The following KYNU variants were observed in gnomAD, a reference collection of about 807,000 sequenced individuals.
KYNU encodes the protein L-kynurenine hydrolase.
Under a neutral mutation model 59.2 loss-of-function variants are expected in KYNU, and 54 were observed. That is an observed-to-expected ratio of 0.91 (90% confidence interval 0.73 to 1.14). KYNU has a LOEUF of 1.14. KYNU is among the 50% of genes most tolerant of loss of function. The pLI is 0.00. For synonymous variants in KYNU, 177 were observed against 192.0 expected (o/e 0.92, Z 0.65); for missense variants, 567 against 554.4 (o/e 1.02, Z -0.23).
At position 143,042,185 on chromosome 2, in the gene KYNU, G is replaced by T; in HGVS notation, c.*13G>T. ...AACAAAAAATTAGCAGTGTTTTCTA[G>T]AACAACTTAAGCAAATTATACTGAA... On this transcript the variant is annotated 3_prime_UTR_variant, in exon 14 of 14. Coordinates refer to ENST00000264170, the MANE Select transcript of KYNU (RefSeq NM_003937.3). 1 of 1,606,448 alleles carries T rather than the reference G, an allele frequency of 6.2e-7. No individual in the cohort carries two copies.
At chr2:142,937,879 T>C (rs1573812360) in intron 4 of KYNU, among the ~76,000 whole-genome samples, 1 of 152,262 alleles carries the variant, frequency 6.6e-6, no homozygotes, top group Non-Finnish European at 1.5e-5. Flanking sequence ...CTAAAGTTAA[T>C]TTAACAATCT....
At chr2:142,902,790 A>G (rs991142314) in intron 2 of KYNU, among the ~76,000 whole-genome samples, 4 of 152,232 alleles carry the variant, frequency 2.6e-5, no homozygotes, top group Admixed American at 6.5e-5. Context: ...TTCAGGTATG[A>G]GAACTGTCTC....
chr2:142,932,377 A>C (rs1683249856), intron 4 of KYNU, among the ~76,000 whole-genome samples: 1 of 152,116 alleles, frequency 6.6e-6, no homozygotes, highest in South Asian at 2.1e-4. Context: ...AAGGACAGGG[A>C]GAGAAACTGG....
chr2:142,996,542 A>T (rs571749779), intron 10 of KYNU, among the ~76,000 whole-genome samples: 1 of 152,066 alleles, frequency 6.6e-6, no homozygotes, highest in African/African-American at 2.4e-5. Context: ...CTGGGCAGTG[A>T]AAGAAGAGGG....
chr2:142,974,117 C>G (rs555451618), intron 8 of KYNU, among the ~76,000 whole-genome samples: 1 of 152,326 alleles, frequency 6.6e-6, no homozygotes, highest in East Asian at 1.9e-4. Flanking sequence ...AGACAAGTCT[C>G]ACTCAGTTTA....
intron 4 of KYNU, among the ~76,000 whole-genome samples, chr2:142,930,437 C>T (rs1269775351): frequency 6.6e-6 from 1 of 152,096 alleles, no homozygotes; most frequent in African/African-American, 2.4e-5. Context: ...CTCCAGACTG[C>T]CATGACAAAC....
At chr2:143,025,899 A>T (rs1045782820) in intron 10 of KYNU, among the ~76,000 whole-genome samples, 1 of 152,198 alleles carries the variant, frequency 6.6e-6, no homozygotes, top group Non-Finnish European at 1.5e-5. Context: ...TGATATTTTT[A>T]AGTGATGGAT....
intron 2 of KYNU, among the ~76,000 whole-genome samples, chr2:142,909,647 G>T: frequency 6.6e-6 from 1 of 152,036 alleles, no homozygotes; most frequent in Non-Finnish European, 1.5e-5. Flanking sequence ...TCTTTCTATG[G>T]CTATGTAGTA....
At chr2:142,881,319 T>G (rs569650770) in intron 1 of KYNU, 1 of 152,196 alleles carries the variant, frequency 6.6e-6, no homozygotes, top group Non-Finnish European at 1.5e-5. Context: ...AAACATGCAA[T>G]GGTGAACCTT....
chr2:142,883,581 A>G (rs1558898942), intron 1 of KYNU, among the ~76,000 whole-genome samples: 1 of 151,670 alleles, frequency 6.6e-6, no homozygotes, highest in African/African-American at 2.4e-5. Context: ...TTCCCTCCCT[A>G]GTGCATTTAG....
intron 3 of KYNU, among the ~76,000 whole-genome samples, chr2:142,919,373 G>A (rs1169998565): frequency 6.6e-6 from 1 of 152,078 alleles, no homozygotes; most frequent in African/African-American, 2.4e-5. Context: ...TTAATATTCT[G>A]AAGCTTAATT....
intron 8 of KYNU, among the ~76,000 whole-genome samples, chr2:142,984,366 G>A (rs375199328): frequency 6.6e-6 from 1 of 151,816 alleles, no homozygotes; most frequent in Non-Finnish European, 1.5e-5. Flanking sequence ...AATTTCCCCT[G>A]GAAACTCTAA....
At chr2:143,030,179 A>G (rs6430001) in intron 11 of KYNU, among the ~76,000 whole-genome samples, 1 of 152,072 alleles carries the variant, frequency 6.6e-6, no homozygotes, top group Non-Finnish European at 1.5e-5. Flanking sequence ...ACAATAAGCC[A>G]AGTAGGACAC....
At chr2:143,012,667 A>T (rs752517019) in intron 10 of KYNU, among the ~76,000 whole-genome samples, 2 of 152,170 alleles carry the variant, frequency 1.3e-5, no homozygotes, top group Non-Finnish European at 2.9e-5. Flanking sequence ...GAAGCAGATT[A>T]AGATATCCAC....
In KYNU at chr2:143,055,630, CACAG is replaced by C. The variant is rs888906350; in HGVS notation, c.*13459_*13462del. ...CTTTGAGGGTCATTAGTCATCTTAC[CACAG>C]GAAGGAAGGAAGGAAGGAAGGAAGG... On this transcript the variant is annotated 3_prime_UTR_variant, in exon 14 of 14. Coordinates refer to ENST00000264170, the MANE Select transcript of KYNU (RefSeq NM_003937.3). 3.6e-4 allele frequency: 44 copies of C among 120,656 alleles called. No individual in the cohort carries two copies. Among genetic ancestry groups the C allele is most frequent in the Admixed American group, 3.6e-3 (40 of 10,996 alleles). The allele number at this position is 120,656 out of a possible 1,614,324, so 7.5% of individuals were successfully genotyped here.
chr2:142,940,620 C>T (rs1683564975), intron 4 of KYNU, among the ~76,000 whole-genome samples: 1 of 152,110 alleles, frequency 6.6e-6, no homozygotes, highest in Admixed American at 6.6e-5. Flanking sequence ...AATATTCAGT[C>T]TTGTTTAGAA....
At chr2:142,957,804 T>C (rs1443706451) in intron 7 of KYNU, 89 bp downstream of exon 7, 1 of 829,360 alleles carries the variant, frequency 1.2e-6, no homozygotes, top group African/African-American at 1.7e-5. Flanking sequence ...AAAATCTTCA[T>C]TACTTTAATG....
At chr2:142,961,804 G>A (rs1209478224) in intron 8 of KYNU, among the ~76,000 whole-genome samples, 1 of 151,966 alleles carries the variant, frequency 6.6e-6, no homozygotes, top group African/African-American at 2.4e-5. Flanking sequence ...TCTTTAAATA[G>A]CACTTCTATT....
intron 3 of KYNU, among the ~76,000 whole-genome samples, chr2:142,924,932 G>A (rs568649657): frequency 6.3e-4 from 96 of 152,272 alleles, no homozygotes; most frequent in African/African-American, 2.2e-3. Context: ...AGGCTAGTGG[G>A]CTAACAAAAT....
Sources: gnomAD v4.1 joint callset for allele counts (sites outside exome capture counted in the v4.1 genomes callset) on GRCh38, gnomAD v4.1.1 for gene constraint, MANE v1.5 for transcripts, NCBI Gene and HGNC (gene_info 2026-07-23, HGNC 2026-07-21) for gene names.